Variants in NBEA observed in about 807,000 individuals in gnomAD.
NBEA encodes lysosomal-trafficking regulator 2.
In NBEA, 44 loss-of-function variants were observed where a neutral mutation model predicts 343.4. That is an observed-to-expected ratio of 0.13 (90% CI 0.10 to 0.16). NBEA has a LOEUF of 0.16. Ranked by LOEUF, NBEA falls within the 10% of genes least tolerant of loss-of-function variation. The probability of loss-of-function intolerance (pLI) is 1.00; values close to 1 mark genes in which losing one functional copy is unlikely to be tolerated. For missense variants in NBEA, 2,555 were observed against 3,631.3 expected, an observed-to-expected ratio of 0.70 and a Z score of 7.62; for synonymous variants, 1,175 against 1,238.7, an observed-to-expected ratio of 0.95 and a Z score of 1.08.
At chr13:35,621,590 G>T (rs2082993638) in intron 48 of NBEA, among the ~76,000 whole-genome samples, 1 of 152,038 alleles carries the variant, frequency 6.6e-6, no homozygotes, top group South Asian at 2.1e-4. Context: ...GGGACTTTGG[G>T]TTTTTTTGTT....
chr13:35,482,255 G>A (rs759085846), intron 41 of NBEA, among the ~76,000 whole-genome samples: 32 of 151,072 alleles, frequency 2.1e-4, no homozygotes, highest in Non-Finnish European at 2.2e-4. Context: ...TATATTATGT[G>A]CAGTAAAATA....
At chr13:35,304,064 A>G (rs1401997083) in intron 35 of NBEA, among the ~76,000 whole-genome samples, 4 of 152,158 alleles carry the variant, frequency 2.6e-5, no homozygotes, top group African/African-American at 9.7e-5. Flanking sequence ...AAATCTTGCA[A>G]AATTAAATGA....
At chr13:35,566,536 T>C (rs1382113495) in intron 44 of NBEA, among the ~76,000 whole-genome samples, 1 of 152,198 alleles carries the variant, frequency 6.6e-6, no homozygotes, top group South Asian at 2.1e-4. Context: ...GAGACACACA[T>C]GCAGGAAGTT....
chr13:35,101,205 T>A (rs1255515766), intron 11 of NBEA, among the ~76,000 whole-genome samples: 12 of 152,006 alleles, frequency 7.9e-5, no homozygotes, highest in Non-Finnish European at 7.4e-5. Flanking sequence ...TTTATTTCTG[T>A]TCAGTAGATA....
intron 36 of NBEA, among the ~76,000 whole-genome samples, chr13:35,328,494 G>A (rs971035164): frequency 2.6e-5 from 4 of 151,970 alleles, no homozygotes; most frequent in Admixed American, 2.6e-4. Context: ...ATAACTAAAG[G>A]AGTATAATTG....
chr13:35,412,599 A>G (rs1465539904), intron 38 of NBEA, among the ~76,000 whole-genome samples: 4 of 152,102 alleles, frequency 2.6e-5, no homozygotes, highest in Non-Finnish European at 4.4e-5. Flanking sequence ...CTTGGCTCAT[A>G]GATTTGTACA....
intron 31 of NBEA, 27 bp downstream of exon 31, chr13:35,196,329 G>T (rs749846831): frequency 6.5e-7 from 1 of 1,540,882 alleles, no homozygotes; most frequent in Non-Finnish European, 8.7e-7. Context: ...TTATTCACAG[G>T]GCTTTATACA....
intron 38 of NBEA, 49 bp from the exon 39 acceptor site, chr13:35,432,220 G>A (rs953620909): frequency 6.2e-6 from 9 of 1,458,736 alleles, no homozygotes; most frequent in South Asian, 1.4e-5. Flanking sequence ...TGTATTTCCA[G>A]CTATGCATTG....
At chr13:35,564,797 C>G (rs1050187263) in intron 44 of NBEA, among the ~76,000 whole-genome samples, 1 of 152,304 alleles carries the variant, frequency 6.6e-6, no homozygotes, top group South Asian at 2.1e-4. Flanking sequence ...TATACCTCTA[C>G]GCCTTTGCAT....
chr13:35,130,622 A>G (rs1467569243), intron 17 of NBEA, among the ~76,000 whole-genome samples: 3 of 152,000 alleles, frequency 2.0e-5, no homozygotes, highest in Non-Finnish European at 2.9e-5. Flanking sequence ...AAATTTTAAC[A>G]TATTTTTTTC....
At position 35,583,978 on chromosome 13, in the gene NBEA, C is replaced by G. The variant is rs779628175; in HGVS notation, c.7116C>G (p.Pro2372=). ...YETWEDDQSP[P]YHYNTHYSTA... is the part of the protein sequence containing the mutation. ...CATGGGAAGATGATCAAAGCCCACC[C>G]TACCATTATAATACCCATTATTCAA... The change falls in exon 46 of 59, where the codon CCC becomes CCG. Residue 2372 remains proline, a synonymous_variant. Transcript: ENST00000379939. The G allele has an allele frequency of 1.8e-5, 29 of 1,613,206 alleles. No homozygotes were observed. Among genetic ancestry groups the G allele is most frequent in the Non-Finnish European group, 2.3e-5 (27 of 1,179,396 alleles).
At chr13:35,362,130 G>T (rs1405425719) in intron 38 of NBEA, among the ~76,000 whole-genome samples, 1 of 151,936 alleles carries the variant, frequency 6.6e-6, no homozygotes, top group Non-Finnish European at 1.5e-5. Context: ...ACTAGTATTT[G>T]TCACAGTCTG....
intron 38 of NBEA, among the ~76,000 whole-genome samples, chr13:35,398,843 G>A (rs752470092): frequency 1.9e-4 from 29 of 152,158 alleles, no homozygotes; most frequent in South Asian, 4.2e-4. Context: ...CCCCCAGTAA[G>A]AGAGTTAGCA....
chr13:35,381,575 TAAA>T (rs1246147238), intron 38 of NBEA, among the ~76,000 whole-genome samples: 7 of 151,980 alleles, frequency 4.6e-5, no homozygotes, highest in Non-Finnish European at 8.8e-5. Flanking sequence ...TTATTTAAAA[TAAA>T]GTATGAGAGC....
At chr13:35,434,017 G>A (rs1429159223) in intron 39 of NBEA, among the ~76,000 whole-genome samples, 1 of 151,970 alleles carries the variant, frequency 6.6e-6, no homozygotes, top group African/African-American at 2.4e-5. Flanking sequence ...ATACTGAGTT[G>A]CCAAAGCTTT....
At position 35,168,970 on chromosome 13, in the gene NBEA, G is replaced by A; in HGVS notation, c.4234-17G>A. ...TACTTTTTGGTCTGTTGTCTGTTTTGTCTAATGCATGTCCAGGGTTCTAAG... is the reference window on the plus strand; with the variant it reads ...TACTTTTTGGTCTGTTGTCTGTTTTATCTAATGCATGTCCAGGGTTCTAAG... On this transcript the variant is annotated splice_polypyrimidine_tract_variant and intron_variant, in intron 24 of 58. Transcript: ENST00000379939. 2 of 1,467,984 alleles carry A rather than the reference G, an allele frequency of 1.4e-6. No individual in the cohort carries two copies. Among genetic ancestry groups the A allele is most frequent in the Non-Finnish European group, 1.8e-6 (2 of 1,108,602 alleles). 90.9% of individuals were successfully genotyped at this position (1,467,984 alleles called of 1,614,324 possible). A position where few individuals can be genotyped will look rare whatever the true frequency, so the allele number is the denominator to read the frequency against.
At chr13:34,983,624 T>C (rs898748763) in intron 1 of NBEA, among the ~76,000 whole-genome samples, 8 of 152,158 alleles carry the variant, frequency 5.3e-5, no homozygotes, top group Non-Finnish European at 1.2e-4. Flanking sequence ...TTGAACTAGT[T>C]TACACTCTCA....
At chr13:35,515,522 A>T (rs981387) in intron 41 of NBEA, among the ~76,000 whole-genome samples, 129,059 of 152,206 alleles carry the variant, frequency 0.85, 54,926 homozygotes, top group Admixed American at 0.88. Flanking sequence ...TTATTAATTA[A>T]GCTTTTAAAA....
chr13:35,664,990 A>C, intron 55 of NBEA, 95 bp from the exon 56 acceptor site: 1 of 828,674 alleles, frequency 1.2e-6, no homozygotes. Flanking sequence ...AATGCCCTTA[A>C]TAAACATGGG....
Sources: gnomAD v4.1 joint callset for allele counts (sites outside exome capture counted in the v4.1 genomes callset) on GRCh38, gnomAD v4.1.1 for gene constraint, MANE v1.5 for transcripts, NCBI Gene and HGNC (gene_info 2026-07-23, HGNC 2026-07-21) for gene names.